GRK5: variants seen among roughly 807,000 people sequenced by gnomAD.
The protein encoded by GRK5 is G protein-coupled receptor kinase 5.
GRK5 carries 40 observed loss-of-function variants against 78.4 expected under a neutral mutation model. The ratio of observed to expected loss-of-function variants is 0.51; its 90% confidence interval spans 0.40 to 0.66. The LOEUF is 0.66. Among genes scored for constraint, GRK5 ranks in the 30% least tolerant of loss-of-function variants. GRK5 has a pLI of 0.00. For missense variants in GRK5, 598 were observed against 759.9 expected, an observed-to-expected ratio of 0.79 and a Z score of 2.50; for synonymous variants, 289 against 296.8, an observed-to-expected ratio of 0.97 and a Z score of 0.27.
chr10:119,404,507 T>C (rs1852201900), intron 4 of GRK5, among the ~76,000 whole-genome samples: 1 of 152,256 alleles, frequency 6.6e-6, no homozygotes, highest in Non-Finnish European at 1.5e-5. Context: ...ACAAAGGTTT[T>C]TCGTTTTGAT....
At chr10:119,429,827 C>T (rs547401067) in intron 6 of GRK5, among the ~76,000 whole-genome samples, 3 of 152,182 alleles carry the variant, frequency 2.0e-5, no homozygotes, top group East Asian at 1.9e-4. Flanking sequence ...CTCCTGAGGC[C>T]GGGTCTTCTG....
At chr10:119,355,546 C>T (rs776982156) in intron 2 of GRK5, among the ~76,000 whole-genome samples, 1 of 152,142 alleles carries the variant, frequency 6.6e-6, no homozygotes, top group African/African-American at 2.4e-5. Flanking sequence ...TTTGGGAGGC[C>T]AAGGTGGGTG....
intron 2 of GRK5, among the ~76,000 whole-genome samples, chr10:119,329,731 A>AAAAAAC (rs902923681): frequency 6.6e-6 from 1 of 152,150 alleles, no homozygotes; most frequent in Non-Finnish European, 1.5e-5. Context: ...ACTCTGTCTC[A>AAAAAAC]AAAAACAAAA....
intron 2 of GRK5, among the ~76,000 whole-genome samples, chr10:119,337,618 C>T (rs990921186): frequency 1.3e-5 from 2 of 151,946 alleles, no homozygotes; most frequent in Non-Finnish European, 2.9e-5. Flanking sequence ...TTCCCCCCCA[C>T]TTTTTTCTCT....
intron 3 of GRK5, among the ~76,000 whole-genome samples, chr10:119,393,950 T>C (rs1851929251): frequency 7.5e-6 from 1 of 133,032 alleles, no homozygotes; most frequent in African/African-American, 2.9e-5. Flanking sequence ...GTGTGGTGTT[T>C]GTGTGTGGGT....
chr10:119,285,380 A>G (rs1414121344), intron 1 of GRK5, among the ~76,000 whole-genome samples: 1 of 152,200 alleles, frequency 6.6e-6, no homozygotes, highest in East Asian at 1.9e-4. Flanking sequence ...CAGGCTCCCC[A>G]AGGCTCGATT....
chr10:119,223,231 T>G (rs1192533302), intron 1 of GRK5, among the ~76,000 whole-genome samples: 1 of 152,204 alleles, frequency 6.6e-6, no homozygotes, highest in African/African-American at 2.4e-5. Flanking sequence ...TTATCCTTTG[T>G]ATAAGGACAC....
chr10:119,365,317 A>G (rs893346211), intron 2 of GRK5, among the ~76,000 whole-genome samples: 21 of 152,254 alleles, frequency 1.4e-4, no homozygotes, highest in Non-Finnish European at 2.8e-4. Flanking sequence ...ATGAAAATGC[A>G]TGAGGCATGT....
intron 1 of GRK5, among the ~76,000 whole-genome samples, chr10:119,290,262 G>A (rs534686265): frequency 2.2e-4 from 33 of 147,576 alleles, no homozygotes; most frequent in Middle Eastern, 3.5e-3. Flanking sequence ...CAGGAGAATC[G>A]CTTGAACCTG....
chr10:119,257,865 T>C (rs987352493), intron 1 of GRK5, among the ~76,000 whole-genome samples: 1 of 152,242 alleles, frequency 6.6e-6, no homozygotes, highest in Non-Finnish European at 1.5e-5. Context: ...AGGACAGGAT[T>C]CTGGCACAGC....
At position 119,452,971 on chromosome 10, in the gene GRK5, C is replaced by A. The variant is rs1853320929; in HGVS notation, c.1542+163C>A. 6.6e-6 allele frequency among the ~76,000 whole-genome samples: 1 copy of A among 152,170 alleles called. No homozygotes were observed. Among genetic ancestry groups the A allele is most frequent in the African/African-American group, 2.4e-5 (1 of 41,446 alleles). On this transcript the variant is annotated intron_variant, in intron 14 of 15. Transcript: ENST00000392870. The surrounding 1 kb of genome is among the most constrained non-coding windows in gnomAD (Gnocchi z 4.4). ...AAGCTGTCAGTGGCCAAGTAGGGAG[C>A]TGTAGCCACCACGGGCCAGTCATTG...
At chr10:119,403,220 G>A (rs562911497) in intron 4 of GRK5, among the ~76,000 whole-genome samples, 3 of 152,182 alleles carry the variant, frequency 2.0e-5, no homozygotes, top group Non-Finnish European at 4.4e-5. Context: ...AGGCTGGAGT[G>A]CAGTGGTGTG....
intron 9 of GRK5, among the ~76,000 whole-genome samples, 161 bp downstream of exon 9, chr10:119,437,002 G>A (rs1339302403): frequency 6.6e-6 from 1 of 152,196 alleles, no homozygotes; most frequent in Non-Finnish European, 1.5e-5. Context: ...CAGGAAGCTG[G>A]GGCCTCCGGC....
chr10:119,228,890 T>C (rs1207770095), intron 1 of GRK5, among the ~76,000 whole-genome samples: 1 of 152,136 alleles, frequency 6.6e-6, no homozygotes, highest in African/African-American at 2.4e-5. Flanking sequence ...GGGTTGGCCT[T>C]CTTAGCATTC....
chr10:119,254,618 C>T (rs1849251799), intron 1 of GRK5, among the ~76,000 whole-genome samples: 2 of 152,132 alleles, frequency 1.3e-5, no homozygotes, highest in South Asian at 4.2e-4. Flanking sequence ...GTCATTTCAG[C>T]TCTGTGGCCT....
chr10:119,443,793 C>T (rs1853087892), intron 12 of GRK5, 41 bp downstream of exon 12: 2 of 1,521,742 alleles, frequency 1.3e-6, no homozygotes, highest in Non-Finnish European at 1.8e-6. Flanking sequence ...AAGCTGGTGG[C>T]TCCCCTCCCT....
chr10:119,213,909 T>TTTC (rs1564850660), intron 1 of GRK5, among the ~76,000 whole-genome samples: 4 of 152,298 alleles, frequency 2.6e-5, no homozygotes, highest in African/African-American at 9.6e-5. Context: ...CCTCAGATAA[T>TTTC]ACAATGTGAA....
intron 1 of GRK5, among the ~76,000 whole-genome samples, chr10:119,222,847 C>A (rs1049110467): frequency 3.3e-5 from 5 of 152,184 alleles, no homozygotes; most frequent in Non-Finnish European, 7.3e-5. Flanking sequence ...CTTCCTTCCG[C>A]AAAGAAGGGA....
chr10:119,349,944 G>A (rs1443336039), intron 2 of GRK5, among the ~76,000 whole-genome samples: 9 of 152,230 alleles, frequency 5.9e-5, no homozygotes, highest in East Asian at 1.9e-4. Context: ...CTTGCAAAGC[G>A]CTTTTCACAC....
Sources: allele counts gnomAD v4.1 joint callset (sites outside exome capture counted in the v4.1 genomes callset), GRCh38; gene constraint gnomAD v4.1.1; non-coding constraint Gnocchi (gnomAD v3.1); transcripts MANE v1.5; gene names NCBI Gene and HGNC (gene_info 2026-07-23, HGNC 2026-07-21).